The following DCP2 variants were observed in gnomAD, a reference collection of about 807,000 sequenced individuals.
DCP2 encodes m7GpppN-mRNA hydrolase.
DCP2 carries 30 observed loss-of-function variants against 56.1 expected under a neutral mutation model. That is an observed-to-expected ratio of 0.53 (90% CI 0.40 to 0.73). DCP2 has a LOEUF of 0.73. DCP2 is among the 30% of genes least tolerant of loss of function. The probability of loss-of-function intolerance (pLI) is 0.00; values close to 1 mark genes in which losing one functional copy is unlikely to be tolerated. For missense variants in DCP2, 533 were observed against 502.7 expected, an observed-to-expected ratio of 1.06 and a Z score of -0.58; for synonymous variants, 197 against 163.3, an observed-to-expected ratio of 1.21 and a Z score of -1.57.
chr5:113,011,379 G>T (rs1005623850), intron 10 of DCP2, among the ~76,000 whole-genome samples: 7 of 152,206 alleles, frequency 4.6e-5, no homozygotes, highest in African/African-American at 1.7e-4. Flanking sequence ...TGTGTTGTCT[G>T]ATTCGGAAAG....
chr5:112,984,693 A>ATATATATAT (rs1267092599), intron 1 of DCP2: 3 of 75,686 alleles, frequency 4.0e-5, no homozygotes, highest in African/African-American at 2.3e-4. Flanking sequence ...AATTAAAAAA[A>ATATATATAT]AAAAAAAAAA....
At chr5:112,988,803 C>G (rs1381929114) in intron 2 of DCP2, among the ~76,000 whole-genome samples, 2 of 152,176 alleles carry the variant, frequency 1.3e-5, no homozygotes, top group Non-Finnish European at 2.9e-5. Context: ...GGAAACGTAA[C>G]TAAGATAACC....
intron 1 of DCP2, among the ~76,000 whole-genome samples, chr5:112,978,053 C>G (rs1354876072): frequency 6.6e-6 from 1 of 152,102 alleles, no homozygotes; most frequent in Non-Finnish European, 1.5e-5. Flanking sequence ...TCTTGGCTCA[C>G]TGCAACCTCT....
chr5:112,984,695 A>ATATATATATAT (rs1332407058), intron 1 of DCP2: 94 of 75,714 alleles, frequency 1.2e-3, no homozygotes, highest in Admixed American at 1.5e-3. Context: ...TTAAAAAAAA[A>ATATATATATAT]AAAAAAAAAT....
At chr5:112,984,237 C>G (rs1185701861) in intron 1 of DCP2, 4 of 152,160 alleles carry the variant, frequency 2.6e-5, no homozygotes, top group Non-Finnish European at 5.9e-5. Context: ...ACTGATGGAT[C>G]TGAAAAGAAA....
chr5:112,987,047 C>T (rs954549322), intron 2 of DCP2, among the ~76,000 whole-genome samples: 15 of 152,074 alleles, frequency 9.9e-5, no homozygotes, highest in African/African-American at 3.1e-4. Flanking sequence ...CTTCTTTCCC[C>T]ATGTACATAT....
intron 2 of DCP2, among the ~76,000 whole-genome samples, chr5:112,988,378 G>C (rs1006288379): frequency 6.6e-6 from 1 of 150,700 alleles, no homozygotes; most frequent in Non-Finnish European, 1.5e-5. Context: ...TGTAGTCCCA[G>C]CTACTCCGGA....
chr5:112,991,998 A>G (rs1334297434), intron 2 of DCP2, 123 bp from the exon 3 acceptor site: 1 of 1,418,432 alleles, frequency 7.1e-7, no homozygotes, highest in African/African-American at 1.5e-5. Flanking sequence ...TGCTACACTT[A>G]AATGAGGGAA....
intron 4 of DCP2, among the ~76,000 whole-genome samples, chr5:112,994,406 A>G (rs994176796): frequency 4.0e-5 from 6 of 151,800 alleles, no homozygotes; most frequent in South Asian, 4.2e-4. Flanking sequence ...TTCTAGGCTT[A>G]AGTGATCTTC....
intron 4 of DCP2, among the ~76,000 whole-genome samples, chr5:112,998,093 A>T (rs1031678970): frequency 6.6e-6 from 1 of 152,208 alleles, no homozygotes; most frequent in Admixed American, 6.5e-5. Flanking sequence ...TATTTCAACT[A>T]TTATAACTTT....
intron 8 of DCP2, among the ~76,000 whole-genome samples, chr5:113,005,159 T>G (rs112539796): frequency 1.3e-5 from 1 of 78,234 alleles, no homozygotes; most frequent in South Asian, 5.3e-4. Context: ...TGGGTGTGTG[T>G]GTGTGTGTGT....
chr5:112,995,645 A>G (rs1169417977), intron 4 of DCP2, among the ~76,000 whole-genome samples: 2 of 152,244 alleles, frequency 1.3e-5, no homozygotes, highest in African/African-American at 4.8e-5. Context: ...TAACCTCTAA[A>G]CATTCTTTTT....
Position 112,979,951 on chromosome 5 carries a change from A to G in DCP2, c.53+2965A>G, listed in dbSNP as rs181227188. ...TTCGTATGCCGAAAGAATATGCGCCAAACTGATAACACTGGTTACTTTCTG... is the reference window on the plus strand; with the variant it reads ...TTCGTATGCCGAAAGAATATGCGCCGAACTGATAACACTGGTTACTTTCTG... On this transcript the variant is annotated intron_variant, in intron 1 of 10. Coordinates refer to ENST00000389063, the MANE Select transcript of DCP2 (RefSeq NM_152624.6). Among the ~76,000 whole-genome samples the G allele has an allele frequency of 1.9e-4, 29 of 152,330 alleles. 1 individual carries two copies. Among genetic ancestry groups the G allele is most frequent in the Admixed American group, 1.2e-3 (18 of 15,298 alleles).
Position 113,004,052 on chromosome 5 carries a change from A to G in DCP2, c.917A>G (p.Glu306Gly). The G allele has an allele frequency of 6.2e-7, 1 of 1,614,098 alleles. No individual in the cohort carries two copies. Among genetic ancestry groups the G allele is most frequent in the Non-Finnish European group, 8.5e-7 (1 of 1,179,982 alleles). ...CAAAAGCCATATAATAATCATTCTG[A>G]AATGTCTGACCTTTTAAAAGGAAAG... Reference protein sequence around the residue: ...LQQKPYNNHSEMSDLLKGKNQ... With the variant: ...LQQKPYNNHSGMSDLLKGKNQ... The change falls in exon 8 of 11, where the codon GAA becomes GGA. Residue 306 changes from glutamate (E) to glycine (G), a missense_variant. Glu to Gly is a moderately conservative substitution (Grantham distance 98, BLOSUM62 -2). This residue lies in a region of DCP2 where 392 missense variants were observed against 346.6 expected (regional missense o/e 1.13). Coordinates refer to ENST00000389063, the MANE Select transcript of DCP2 (RefSeq NM_152624.6).
chr5:112,980,615 A>C (rs796216780), intron 1 of DCP2, among the ~76,000 whole-genome samples: 2 of 152,378 alleles, frequency 1.3e-5, no homozygotes, highest in African/African-American at 4.8e-5. Context: ...CATTCACAGA[A>C]TGAACGCATT....
Position 113,008,113 on chromosome 5 carries a change from G to A in DCP2, c.1047+71G>A, listed in dbSNP as rs949724810. 1.2e-5 allele frequency: 15 copies of A among 1,244,410 alleles called. No individual in the cohort carries two copies. In the African/African-American group the frequency reaches 2.1e-4, roughly 17 times the overall value. 77.1% of individuals were successfully genotyped at this position (1,244,410 alleles called of 1,614,324 possible). ...AGAGTGAAACAAGGGCATTGCCAAA[G>A]CACAGGAATGTTACTTGTTTTGTTC... On this transcript the variant is annotated intron_variant, in intron 9 of 10. Coordinates refer to ENST00000389063, the MANE Select transcript of DCP2 (RefSeq NM_152624.6).
At chr5:112,999,220 T>G (rs757617587) in intron 4 of DCP2, among the ~76,000 whole-genome samples, 2 of 152,248 alleles carry the variant, frequency 1.3e-5, no homozygotes, top group Non-Finnish European at 2.9e-5. Flanking sequence ...TGACTAGCTA[T>G]GTATACTTAT....
intron 8 of DCP2, among the ~76,000 whole-genome samples, chr5:113,006,641 G>C (rs1749450529): frequency 6.6e-6 from 1 of 151,688 alleles, no homozygotes; most frequent in Admixed American, 6.5e-5. Flanking sequence ...TATTTTAGAA[G>C]TTCCTCCTAT....
rs1392791613 is a variant in DCP2, at chr5:112,988,045, A to G, written c.205+2059A>G. Among the ~76,000 whole-genome samples, 6 of 152,156 alleles carry G rather than the reference A, an allele frequency of 3.9e-5. No individual in the cohort carries two copies. The East Asian group carries it at 5.8e-4, about 15-fold the overall frequency. ...GAAATACCCTCATTCTCAGCTACCT[A>G]TCACTTTCCTTTAGCCTCATGAAGT... is the stretch of plus-strand genomic sequence containing the variant. On this transcript the variant is annotated intron_variant, in intron 2 of 10. Coordinates refer to ENST00000389063, the MANE Select transcript of DCP2 (RefSeq NM_152624.6).
Sources: allele counts gnomAD v4.1 joint callset (sites outside exome capture counted in the v4.1 genomes callset), GRCh38; gene constraint gnomAD v4.1.1; regional missense constraint gnomAD v4.1.1; transcripts MANE v1.5; gene names NCBI Gene and HGNC (gene_info 2026-07-23, HGNC 2026-07-21).